NHSL1: variants seen among roughly 807,000 people sequenced by gnomAD.
The protein encoded by NHSL1 is NHS-like protein 1.
A neutral mutation model predicts 95.0 loss-of-function variants in NHSL1; 48 were observed. The observed-to-expected ratio is 0.51, with a 90% confidence interval of 0.40 to 0.64. The LOEUF (loss-of-function observed/expected upper bound fraction) is 0.64, where lower values mean the gene tolerates loss of function less well. Ranked by LOEUF, NHSL1 falls within the 30% of genes least tolerant of loss-of-function variation. The pLI is 0.00. For synonymous variants in NHSL1, 783 were observed against 833.9 expected (o/e 0.94, Z 1.05); for missense variants, 1,971 against 2,077.7 (o/e 0.95, Z 1.00).
upstream of NHSL1, chr6:138,545,829 T>A (rs1416295597): frequency 2.6e-6 from 3 of 1,165,162 alleles, no homozygotes; most frequent in South Asian, 3.4e-5. Flanking sequence ...CACCTCCCTA[T>A]CTCTCCTGGG....
At chr6:138,691,690 G>A in intron 1 of NHSL1, 1 of 340,466 alleles carries the variant, frequency 2.9e-6, no homozygotes, top group Non-Finnish European at 5.8e-6. Flanking sequence ...TCTCTGCTTT[G>A]GGCCAGCAGG....
At chr6:138,662,195 T>C (rs1370982450) in intron 1 of NHSL1, among the ~76,000 whole-genome samples, 1 of 152,034 alleles carries the variant, frequency 6.6e-6, no homozygotes, top group East Asian at 1.9e-4. Flanking sequence ...AATAGTTATC[T>C]TTATAAACAA....
intron 1 of NHSL1, among the ~76,000 whole-genome samples, chr6:138,642,158 CAG>C (rs1055295331): frequency 4.6e-5 from 7 of 151,886 alleles, no homozygotes; most frequent in Non-Finnish European, 7.4e-5. Context: ...AATACTTGGC[CAG>C]ACTCTGTTAT....
At chr6:138,557,383 G>A in intron 1 of NHSL1, among the ~76,000 whole-genome samples, 1 of 152,068 alleles carries the variant, frequency 6.6e-6, no homozygotes, top group East Asian at 1.9e-4. Flanking sequence ...AGTCAATACT[G>A]TTGCAATACA....
At chr6:138,503,528 C>T (rs1314175621), upstream of NHSL1, among the ~76,000 whole-genome samples, 3 of 152,072 alleles carry the variant, frequency 2.0e-5, no homozygotes, top group South Asian at 2.1e-4. Context: ...TAATGGAACA[C>T]CACCACACCC....
chr6:138,585,876 C>T (rs1784127525), intron 1 of NHSL1, among the ~76,000 whole-genome samples: 1 of 146,808 alleles, frequency 6.8e-6, no homozygotes, highest in Admixed American at 6.8e-5. Flanking sequence ...GTCCCAGTCT[C>T]TACAAAAAAA....
At chr6:138,592,076 C>T (rs1170866444) in intron 1 of NHSL1, among the ~76,000 whole-genome samples, 2 of 152,128 alleles carry the variant, frequency 1.3e-5, no homozygotes, top group Non-Finnish European at 2.9e-5. Flanking sequence ...AATGCATTCT[C>T]ATAGCTATAA....
intron 1 of NHSL1, among the ~76,000 whole-genome samples, chr6:138,635,238 A>G (rs1428157161): frequency 1.3e-5 from 2 of 152,216 alleles, no homozygotes; most frequent in East Asian, 1.9e-4. Flanking sequence ...TTTTGGAATC[A>G]TGAAAACATG....
intron 1 of NHSL1, among the ~76,000 whole-genome samples, chr6:138,543,052 T>C (rs910137708): frequency 5.3e-5 from 8 of 152,234 alleles, no homozygotes; most frequent in South Asian, 2.1e-4. Context: ...GCTTGAGACA[T>C]GGCACCTGGC....
At chr6:138,553,710 G>T (rs1247138719) in intron 1 of NHSL1, among the ~76,000 whole-genome samples, 1 of 152,164 alleles carries the variant, frequency 6.6e-6, no homozygotes, top group Non-Finnish European at 1.5e-5. Context: ...CCCTACACAT[G>T]ACGGTATTAA....
At position 138,431,766 on chromosome 6, in the gene NHSL1, G is replaced by C. The variant is rs1388842985; in HGVS notation, c.2579C>G (p.Thr860Arg). ...AAACACAGGCACAGGGGTGAGTGCT[G>C]TGGGTGTATTCGACTGGCTGGAATA... ...SGYSSQSNTP[T>R]ALTPVPVFLK... The change falls in exon 6 of 8, where the codon ACA becomes AGA. Residue 860 changes from threonine to arginine, a missense_variant. By Grantham distance (71) the Thr-to-Arg change is moderately conservative. Transcript: ENST00000343505. The surrounding 1 kb of genome is among the most constrained non-coding windows in gnomAD (Gnocchi z 4.0). 6.4e-7 allele frequency: 1 copy of C among 1,551,698 alleles called. No individual in the cohort carries two copies. Among genetic ancestry groups the C allele is most frequent in the East Asian group, 2.4e-5 (1 of 40,918 alleles).
intron 7 of NHSL1, among the ~76,000 whole-genome samples, chr6:138,427,422 AGAGT>A (rs1202784678): frequency 2.0e-5 from 3 of 152,064 alleles, no homozygotes; most frequent in Admixed American, 6.5e-5. Flanking sequence ...CCTGGGTGAC[AGAGT>A]GAGTGAGACT....
chr6:138,429,904 A>G, intron 6 of NHSL1, 61 bp from the exon 7 acceptor site: 1 of 1,495,792 alleles, frequency 6.7e-7, no homozygotes, highest in Non-Finnish European at 9.0e-7. Flanking sequence ...GTCCTCAGCC[A>G]AGCTTCTAAA....
chr6:138,621,672 GT>G (rs1248943813), intron 1 of NHSL1, among the ~76,000 whole-genome samples: 2 of 152,128 alleles, frequency 1.3e-5, no homozygotes, highest in African/African-American at 4.8e-5. Flanking sequence ...GTTTCACCAT[GT>G]TGGCCAGGCT....
intron 1 of NHSL1, among the ~76,000 whole-genome samples, chr6:138,524,372 G>A (rs906203537): frequency 1.3e-5 from 2 of 152,120 alleles, no homozygotes; most frequent in African/African-American, 4.8e-5. Flanking sequence ...AAGACCTCCT[G>A]TTCATGCCCT....
intron 1 of NHSL1, among the ~76,000 whole-genome samples, chr6:138,662,322 G>A (rs1332542870): frequency 2.0e-5 from 3 of 152,158 alleles, no homozygotes; most frequent in East Asian, 1.9e-4. Context: ...TAATCCATGA[G>A]AAAAATCCAA....
chr6:138,555,442 G>A (rs527864172), intron 1 of NHSL1, among the ~76,000 whole-genome samples: 22 of 152,260 alleles, frequency 1.4e-4, no homozygotes, highest in Non-Finnish European at 2.8e-4. Flanking sequence ...TATTGCTTTC[G>A]AGGCAGGTGT....
At chr6:138,630,691 T>A (rs918634705) in intron 1 of NHSL1, among the ~76,000 whole-genome samples, 2 of 152,178 alleles carry the variant, frequency 1.3e-5, no homozygotes, top group African/African-American at 4.8e-5. Flanking sequence ...GCCTTAAGTT[T>A]CCATTTTTAT....
chr6:138,601,086 A>G (rs1784364320), intron 1 of NHSL1, among the ~76,000 whole-genome samples: 1 of 152,232 alleles, frequency 6.6e-6, no homozygotes, highest in African/African-American at 2.4e-5. Context: ...TATAAAATAG[A>G]ATCTGGATTA....
Sources: gnomAD v4.1 joint callset for allele counts (sites outside exome capture counted in the v4.1 genomes callset) on GRCh38, gnomAD v4.1.1 for gene constraint, Gnocchi (gnomAD v3.1) non-coding constraint, MANE v1.5 for transcripts, NCBI Gene and HGNC (gene_info 2026-07-23, HGNC 2026-07-21) for gene names.